CNTN4: variants seen among roughly 807,000 people sequenced by gnomAD.
CNTN4 encodes the protein contactin-4.
A neutral mutation model predicts 122.5 loss-of-function variants in CNTN4; 77 were observed. That is an observed-to-expected ratio of 0.63 (90% CI 0.52 to 0.76). The LOEUF (loss-of-function observed/expected upper bound fraction) is 0.76, where lower values mean the gene tolerates loss of function less well. CNTN4 is among the 30% of genes least tolerant of loss of function. The pLI, the probability that CNTN4 is intolerant of heterozygous loss-of-function variation, is 0.00. For synonymous variants in CNTN4, 512 were observed against 447.0 expected, an observed-to-expected ratio of 1.15 and a Z score of -1.83; for missense variants, 1,256 against 1,259.1, an observed-to-expected ratio of 1.00 and a Z score of 0.04.
intron 4 of CNTN4, among the ~76,000 whole-genome samples, chr3:2,589,901 C>G (rs1201901210): frequency 1.3e-5 from 2 of 152,118 alleles, no homozygotes; most frequent in African/African-American, 4.8e-5. Flanking sequence ...AAGAGGAAGC[C>G]AAGTGGCTTG....
chr3:3,004,152 A>C (rs1696359863), intron 14 of CNTN4, among the ~76,000 whole-genome samples: 1 of 143,208 alleles, frequency 7.0e-6, no homozygotes, highest in Admixed American at 7.0e-5. Flanking sequence ...TATTTTGCAC[A>C]CTTAAAAAAA....
chr3:2,979,611 G>GTT (rs397976602), intron 13 of CNTN4, among the ~76,000 whole-genome samples: 36 of 141,100 alleles, frequency 2.6e-4, no homozygotes, highest in African/African-American at 8.8e-4. Flanking sequence ...GGCCCTTTGA[G>GTT]TTTTTTTTTT....
At chr3:2,301,132 A>G (rs545276452) in intron 2 of CNTN4, among the ~76,000 whole-genome samples, 7 of 152,344 alleles carry the variant, frequency 4.6e-5, no homozygotes, top group African/African-American at 1.7e-4. Flanking sequence ...GGTACTGAAC[A>G]ATAGCTGTAC....
At chr3:2,535,020 C>A (rs1025898970) in intron 3 of CNTN4, among the ~76,000 whole-genome samples, 1 of 152,140 alleles carries the variant, frequency 6.6e-6, no homozygotes, top group Non-Finnish European at 1.5e-5. Context: ...AAAGGACCTT[C>A]TTTACATAAT....
chr3:2,119,269 A>G (rs891312084), intron 2 of CNTN4, among the ~76,000 whole-genome samples: 6 of 152,142 alleles, frequency 3.9e-5, no homozygotes, highest in Non-Finnish European at 5.9e-5. Context: ...ACGTAAGCCA[A>G]TTCCTTGGTG....
At chr3:2,610,935 A>G (rs745963066) in intron 4 of CNTN4, among the ~76,000 whole-genome samples, 24 of 152,162 alleles carry the variant, frequency 1.6e-4, no homozygotes, top group Non-Finnish European at 3.4e-4. Flanking sequence ...CTTAAATTTC[A>G]TTGATTGTTT....
chr3:2,653,343 G>C (rs951438238), intron 4 of CNTN4, among the ~76,000 whole-genome samples: 6 of 152,072 alleles, frequency 3.9e-5, no homozygotes, highest in African/African-American at 1.4e-4. Flanking sequence ...ATTTGATGTT[G>C]TCTACCAGTT....
intron 2 of CNTN4, among the ~76,000 whole-genome samples, chr3:2,205,777 G>A (rs137887058): frequency 1.3e-4 from 20 of 151,764 alleles, no homozygotes; most frequent in Admixed American, 1.3e-3. Flanking sequence ...ACATGTATAT[G>A]GTTTTCAAAA....
chr3:2,658,729 C>T (rs2083715629), intron 4 of CNTN4, among the ~76,000 whole-genome samples: 1 of 152,114 alleles, frequency 6.6e-6, no homozygotes, highest in African/African-American at 2.4e-5. Context: ...GTAGTATTCA[C>T]ATTTTATCTG....
intron 7 of CNTN4, among the ~76,000 whole-genome samples, chr3:2,854,267 TC>T (rs767940989): frequency 4.6e-4 from 49 of 106,564 alleles, no homozygotes; most frequent in Middle Eastern, 5.0e-3. Context: ...TCTTTCTTCT[TC>T]TTTTTTTTTT....
chr3:2,906,558 C>A (rs541297005), intron 12 of CNTN4, among the ~76,000 whole-genome samples: 1 of 152,064 alleles, frequency 6.6e-6, no homozygotes, highest in African/African-American at 2.4e-5. Context: ...AAGATGGTGG[C>A]CGGGCACGGT....
chr3:2,552,773 T>C (rs549630010), intron 3 of CNTN4, among the ~76,000 whole-genome samples: 10 of 152,180 alleles, frequency 6.6e-5, no homozygotes, highest in Non-Finnish European at 1.2e-4. Context: ...TGCAGCAAGC[T>C]GCTGAATGGA....
chr3:2,821,163 A>G (rs1176882511), intron 7 of CNTN4, among the ~76,000 whole-genome samples: 1 of 151,656 alleles, frequency 6.6e-6, no homozygotes, highest in Non-Finnish European at 1.5e-5. Context: ...CACCATGTTG[A>G]CCAGGCTGGT....
chr3:2,858,600 G>A (rs976273827), intron 7 of CNTN4, among the ~76,000 whole-genome samples: 2 of 151,946 alleles, frequency 1.3e-5, no homozygotes, highest in African/African-American at 4.8e-5. Context: ...AGTGGTGCAC[G>A]CCTGTGGTCC....
chr3:2,930,140 T>C (rs2094506974), intron 13 of CNTN4, among the ~76,000 whole-genome samples: 2 of 152,228 alleles, frequency 1.3e-5, no homozygotes. Flanking sequence ...GAGGCTACCC[T>C]ATGTTCTCTT....
chr3:2,566,358 C>G (rs13081430), intron 3 of CNTN4, among the ~76,000 whole-genome samples: 3 of 152,076 alleles, frequency 2.0e-5, no homozygotes, highest in Admixed American at 1.3e-4. Context: ...TTCTAATTGC[C>G]AAAGCTCTAA....
At chr3:2,918,392 G>A (rs529594906) in intron 12 of CNTN4, among the ~76,000 whole-genome samples, 2 of 152,290 alleles carry the variant, frequency 1.3e-5, no homozygotes, top group East Asian at 3.9e-4. Flanking sequence ...GAGACCATGT[G>A]CTTCTGCCGA....
At chr3:2,745,723 A>C (rs771019061) in intron 6 of CNTN4, 26 bp downstream of exon 6, 1 of 1,605,444 alleles carries the variant, frequency 6.2e-7, no homozygotes, top group Non-Finnish European at 8.5e-7. Context: ...ACAATGCTGC[A>C]AATGTTGCTT....
chr3:2,418,652 T>C (rs778174803), intron 3 of CNTN4, among the ~76,000 whole-genome samples: 9 of 152,208 alleles, frequency 5.9e-5, no homozygotes, highest in Non-Finnish European at 1.0e-4. Flanking sequence ...GGTTTCACTT[T>C]TGTAAAGCAC....
Sources: gnomAD v4.1 joint callset for allele counts (sites outside exome capture counted in the v4.1 genomes callset) on GRCh38, gnomAD v4.1.1 for gene constraint, MANE v1.5 for transcripts, NCBI Gene and HGNC (gene_info 2026-07-23, HGNC 2026-07-21) for gene names.